Variants in CACNA2D3 observed in about 807,000 individuals in gnomAD.
CACNA2D3 encodes voltage-dependent calcium channel subunit alpha-2/delta-3.
CACNA2D3 carries 60 observed loss-of-function variants against 160.6 expected under a neutral mutation model. The ratio of observed to expected loss-of-function variants is 0.37; its 90% CI spans 0.30 to 0.46. The LOEUF is 0.46. Among genes scored for constraint, CACNA2D3 ranks in the 20% least tolerant of loss-of-function variants. CACNA2D3 has a pLI of 1.00. For synonymous variants in CACNA2D3, 558 were observed against 492.9 expected (o/e 1.13, Z -1.75); for missense variants, 1,205 against 1,365.0 (o/e 0.88, Z 1.85).
At position 54,987,953 on chromosome 3, in the gene CACNA2D3, A is replaced by G. The variant is rs41277459; in HGVS notation, c.2690+200A>G. Among the ~76,000 whole-genome samples the G allele has an allele frequency of 0.011, 1,633 of 152,266 alleles. 11 individuals are homozygous for G. Among genetic ancestry groups the G allele is most frequent in the Non-Finnish European group, 0.018 (1,206 of 68,022 alleles). ...TAGAGTCTTAGAAACTCAGTTCACA[A>G]TGAGTTTCCTGTTCACCCAGCAGAG... On this transcript the variant is annotated intron_variant, in intron 31 of 37. Coordinates refer to ENST00000474759, the MANE Select transcript of CACNA2D3 (RefSeq NM_018398.3).
chr3:54,664,016 C>T (rs1429893784), intron 11 of CACNA2D3, among the ~76,000 whole-genome samples: 2 of 152,196 alleles, frequency 1.3e-5, no homozygotes, highest in Non-Finnish European at 2.9e-5. Context: ...GCCCAGTTCT[C>T]ACCAGAGTCC....
intron 27 of CACNA2D3, among the ~76,000 whole-genome samples, chr3:54,922,397 A>G (rs1395702949): frequency 1.3e-5 from 2 of 151,524 alleles, no homozygotes; most frequent in Admixed American, 6.6e-5. Flanking sequence ...TGTGCTTACA[A>G]TTTAATCCAC....
intron 2 of CACNA2D3, among the ~76,000 whole-genome samples, chr3:54,220,446 G>A (rs1232943163): frequency 6.6e-6 from 1 of 152,180 alleles, no homozygotes; most frequent in Non-Finnish European, 1.5e-5. Flanking sequence ...AATGACAGAT[G>A]ATCAGCTTAG....
chr3:54,635,786 T>A (rs1165951467), intron 10 of CACNA2D3, among the ~76,000 whole-genome samples: 1 of 151,794 alleles, frequency 6.6e-6, no homozygotes, highest in Non-Finnish European at 1.5e-5. Flanking sequence ...CCTGAAAAAC[T>A]GCTTGGCTGA....
At chr3:54,451,227 A>ATTTTTTT (rs1559484336) in intron 4 of CACNA2D3, among the ~76,000 whole-genome samples, 1 of 70,460 alleles carries the variant, frequency 1.4e-5, no homozygotes, top group African/African-American at 6.0e-5. Context: ...TGATATAATA[A>ATTTTTTT]TCTTTTTTTT....
intron 4 of CACNA2D3, among the ~76,000 whole-genome samples, chr3:54,468,472 G>A (rs1575473431): frequency 6.6e-6 from 1 of 152,346 alleles, no homozygotes; most frequent in Admixed American, 6.5e-5. Flanking sequence ...TAGGCCACCA[G>A]GGCCCTGGGT....
chr3:54,663,877 TC>T (rs1342248052), intron 11 of CACNA2D3, among the ~76,000 whole-genome samples: 2 of 152,224 alleles, frequency 1.3e-5, no homozygotes, highest in African/African-American at 4.8e-5. Flanking sequence ...GCCTGTGTTT[TC>T]CCTTCTTGCG....
At chr3:54,639,050 C>T (rs937392172) in intron 10 of CACNA2D3, 3 of 151,334 alleles carry the variant, frequency 2.0e-5, no homozygotes, top group Non-Finnish European at 2.9e-5. Flanking sequence ...AGGGTTGGGG[C>T]GCGGAAATAA....
intron 9 of CACNA2D3, chr3:54,626,477 T>C: frequency 6.2e-7 from 1 of 1,605,920 alleles, no homozygotes; most frequent in Non-Finnish European, 8.5e-7. Flanking sequence ...CTGCCCGAGA[T>C]GGTGGGCAGC....
chr3:54,391,516 CT>C (rs758458509), intron 4 of CACNA2D3, among the ~76,000 whole-genome samples: 91 of 141,928 alleles, frequency 6.4e-4, no homozygotes, highest in Admixed American at 7.8e-4. Context: ...TTCTTTCTTT[CT>C]TTTTTTTTTT....
At chr3:54,229,397 G>T (rs1476931268) in intron 2 of CACNA2D3, among the ~76,000 whole-genome samples, 1 of 152,070 alleles carries the variant, frequency 6.6e-6, no homozygotes, top group Non-Finnish European at 1.5e-5. Flanking sequence ...GTTTCACCAT[G>T]TTAGCCAGGA....
chr3:54,938,690 T>G (rs1377732077), intron 27 of CACNA2D3, among the ~76,000 whole-genome samples: 2 of 151,974 alleles, frequency 1.3e-5, no homozygotes, highest in African/African-American at 4.8e-5. Context: ...CATGGTAATT[T>G]TTCTACAGTG....
intron 5 of CACNA2D3, among the ~76,000 whole-genome samples, chr3:54,549,784 T>C (rs941392400): frequency 2.6e-5 from 4 of 152,228 alleles, no homozygotes; most frequent in Non-Finnish European, 5.9e-5. Flanking sequence ...GGGTACCTGC[T>C]AGCCTCGGGG....
At chr3:54,805,633 A>G (rs1222205843) in intron 13 of CACNA2D3, among the ~76,000 whole-genome samples, 6 of 152,200 alleles carry the variant, frequency 3.9e-5, no homozygotes, top group Non-Finnish European at 7.3e-5. Context: ...ACAAAGAGGA[A>G]TTGGTACCAT....
chr3:54,255,561 A>G (rs945664708), intron 2 of CACNA2D3, among the ~76,000 whole-genome samples: 1 of 152,124 alleles, frequency 6.6e-6, no homozygotes, highest in Non-Finnish European at 1.5e-5. Flanking sequence ...ATCTTTCACA[A>G]TTCCTGGGCT....
intron 17 of CACNA2D3, among the ~76,000 whole-genome samples, chr3:54,869,673 A>G (rs1440148132): frequency 2.6e-5 from 4 of 152,142 alleles, no homozygotes; most frequent in Non-Finnish European, 4.4e-5. Context: ...GAGGTCCAGA[A>G]CGACTGTCTG....
Position 54,885,442 on chromosome 3 carries a change from C to T in CACNA2D3, c.1959-47C>T, listed in dbSNP as rs779000531. 3.1e-6 allele frequency: 5 copies of T among 1,596,450 alleles called. No homozygotes were observed. The East Asian group carries it at 8.9e-5, about 29-fold the overall frequency. On this transcript the variant is annotated intron_variant, in intron 22 of 37. Transcript: ENST00000474759. ...GATTCCAAGGCAAAGGAAGCAGATGCTGTAAATATTGACATGCTCTTGTTT... is the reference window on the plus strand; with the variant it reads ...GATTCCAAGGCAAAGGAAGCAGATGTTGTAAATATTGACATGCTCTTGTTT...
At chr3:54,660,876 A>G (rs147386095) in intron 11 of CACNA2D3, among the ~76,000 whole-genome samples, 2 of 152,284 alleles carry the variant, frequency 1.3e-5, no homozygotes, top group East Asian at 3.9e-4. Context: ...TAATGTAAAA[A>G]TAGATTTTGT....
chr3:54,384,124 T>G (rs1699151068), intron 3 of CACNA2D3, among the ~76,000 whole-genome samples: 1 of 152,180 alleles, frequency 6.6e-6, no homozygotes, highest in South Asian at 2.1e-4. Flanking sequence ...TCCTTTCCAA[T>G]TCTTTACTTT....
Sources: allele counts gnomAD v4.1 joint callset (sites outside exome capture counted in the v4.1 genomes callset), GRCh38; gene constraint gnomAD v4.1.1; transcripts MANE v1.5; gene names NCBI Gene and HGNC (gene_info 2026-07-23, HGNC 2026-07-21).